The following SLC41A2 variants were observed in gnomAD, a reference collection of about 807,000 sequenced individuals.
SLC41A2 encodes the protein SLC41A1-like 1.
In SLC41A2, 32 loss-of-function variants were observed where a neutral mutation model predicts 58.3. The observed-to-expected ratio is 0.55, with a 90% confidence interval of 0.41 to 0.74. The LOEUF is 0.74. Among genes scored for constraint, SLC41A2 ranks in the 30% least tolerant of loss-of-function variants. The pLI is 0.00. For missense variants in SLC41A2, 514 were observed against 680.6 expected, an observed-to-expected ratio of 0.76 and a Z score of 2.72; for synonymous variants, 190 against 235.0, an observed-to-expected ratio of 0.81 and a Z score of 1.75.
chr12:104,923,960 G>A (rs1221322554), intron 2 of SLC41A2, among the ~76,000 whole-genome samples: 6 of 149,134 alleles, frequency 4.0e-5, no homozygotes, highest in African/African-American at 1.6e-4. Flanking sequence ...CACAAACTAT[G>A]AAAAAGCAGG....
intron 1 of SLC41A2, among the ~76,000 whole-genome samples, chr12:104,954,399 A>G (rs1416411892): frequency 6.6e-6 from 1 of 152,236 alleles, no homozygotes; most frequent in Non-Finnish European, 1.5e-5. Flanking sequence ...ACCATAAAGG[A>G]GACAGGTCAG....
intron 10 of SLC41A2, among the ~76,000 whole-genome samples, chr12:104,823,494 A>G (rs1423282160): frequency 6.6e-6 from 1 of 152,108 alleles, no homozygotes; most frequent in Non-Finnish European, 1.5e-5. Flanking sequence ...TAGTAAATTG[A>G]TTTTTGACAA....
intron 8 of SLC41A2, among the ~76,000 whole-genome samples, chr12:104,846,525 G>A (rs1175384156): frequency 6.6e-6 from 1 of 152,192 alleles, no homozygotes; most frequent in African/African-American, 2.4e-5. Flanking sequence ...GGAGAAAGAA[G>A]TTAAGCCATA....
chr12:104,909,557 G>A (rs2045989654), intron 3 of SLC41A2, 98 bp downstream of exon 3: 10 of 802,416 alleles, frequency 1.2e-5, no homozygotes, highest in Middle Eastern at 4.5e-4. Flanking sequence ...AAGTGCAGAA[G>A]CATATCAGAG....
At chr12:104,853,107 A>C (rs1479873930) in intron 8 of SLC41A2, among the ~76,000 whole-genome samples, 2 of 152,222 alleles carry the variant, frequency 1.3e-5, no homozygotes, top group Non-Finnish European at 2.9e-5. Context: ...CAGTTGATGA[A>C]ATAAAGTTTG....
chr12:104,809,464 T>C (rs1289985954), intron 10 of SLC41A2, among the ~76,000 whole-genome samples: 1 of 152,216 alleles, frequency 6.6e-6, no homozygotes, highest in East Asian at 1.9e-4. Context: ...CCTTTGGACA[T>C]CTGTCAGAGA....
chr12:104,844,380 G>T, intron 10 of SLC41A2, 92 bp downstream of exon 10: 1 of 848,446 alleles, frequency 1.2e-6, no homozygotes, highest in Non-Finnish European at 1.7e-6. Flanking sequence ...TTTTTGAAAT[G>T]GTAAAATGTG....
chr12:104,944,451 A>G (rs1466789106), intron 1 of SLC41A2, among the ~76,000 whole-genome samples: 3 of 152,212 alleles, frequency 2.0e-5, no homozygotes, highest in Non-Finnish European at 4.4e-5. Flanking sequence ...AACTAATCAC[A>G]AGAAACTAAA....
intron 10 of SLC41A2, among the ~76,000 whole-genome samples, chr12:104,811,667 C>A (rs2041179316): frequency 6.6e-6 from 1 of 152,060 alleles, no homozygotes; most frequent in African/African-American, 2.4e-5. Context: ...ATCTTATTTC[C>A]TATTACTTCC....
At chr12:104,844,989 A>G (rs1332779207) in intron 9 of SLC41A2, among the ~76,000 whole-genome samples, 1 of 152,124 alleles carries the variant, frequency 6.6e-6, no homozygotes, top group Non-Finnish European at 1.5e-5. Context: ...ATCTTCATTC[A>G]AAGGTCAATA....
At chr12:104,866,609 GACA>G (rs775386316) in intron 6 of SLC41A2, 30 bp from the exon 7 acceptor site, 3 of 1,417,624 alleles carry the variant, frequency 2.1e-6, no homozygotes, top group South Asian at 2.7e-5. Context: ...AAAAAAGAGA[GACA>G]ACATTTAAAT....
At chr12:104,951,747 T>A (rs2047966607) in intron 1 of SLC41A2, among the ~76,000 whole-genome samples, 1 of 151,680 alleles carries the variant, frequency 6.6e-6, no homozygotes, top group Non-Finnish European at 1.5e-5. Flanking sequence ...ATGATTGATA[T>A]ATTTTCATCC....
At chr12:104,945,247 TC>T (rs1177669346) in intron 1 of SLC41A2, among the ~76,000 whole-genome samples, 1 of 151,910 alleles carries the variant, frequency 6.6e-6, no homozygotes, top group Non-Finnish European at 1.5e-5. Flanking sequence ...ACACCTGTAA[TC>T]CCAGCACTTT....
intron 9 of SLC41A2, among the ~76,000 whole-genome samples, 169 bp downstream of exon 9, chr12:104,845,674 G>A (rs1444683144): frequency 6.6e-6 from 1 of 152,174 alleles, no homozygotes; most frequent in Non-Finnish European, 1.5e-5. Context: ...AAGATCCTCA[G>A]CAACTGCAGA....
intron 6 of SLC41A2, among the ~76,000 whole-genome samples, chr12:104,868,548 A>G (rs1388564921): frequency 6.6e-6 from 1 of 152,200 alleles, no homozygotes; most frequent in Non-Finnish European, 1.5e-5. Flanking sequence ...TTCCTTAAAA[A>G]GTTAAACAGA....
chr12:104,871,890 A>G (rs1038335287), intron 6 of SLC41A2, among the ~76,000 whole-genome samples: 1 of 152,250 alleles, frequency 6.6e-6, no homozygotes, highest in Non-Finnish European at 1.5e-5. Flanking sequence ...CATTTATAGA[A>G]AAAGCTATAA....
chr12:104,955,963 T>C (rs2048152653), intron 1 of SLC41A2, among the ~76,000 whole-genome samples: 1 of 152,244 alleles, frequency 6.6e-6, no homozygotes, highest in Non-Finnish European at 1.5e-5. Flanking sequence ...TTCTCCACTT[T>C]ACTGAGAAGT....
At chr12:104,834,720 G>A (rs933707418) in intron 10 of SLC41A2, among the ~76,000 whole-genome samples, 1 of 151,870 alleles carries the variant, frequency 6.6e-6, no homozygotes, top group Non-Finnish European at 1.5e-5. Context: ...TTTAATGAGG[G>A]CCTACTATGT....
intron 1 of SLC41A2, among the ~76,000 whole-genome samples, chr12:104,951,318 A>G (rs2047944860): frequency 6.6e-6 from 1 of 152,210 alleles, no homozygotes; most frequent in Non-Finnish European, 1.5e-5. Flanking sequence ...TGTGGAATAT[A>G]AAAAGATAAA....
Sources: gnomAD v4.1 joint callset for allele counts (sites outside exome capture counted in the v4.1 genomes callset) on GRCh38, gnomAD v4.1.1 for gene constraint, MANE v1.5 for transcripts, NCBI Gene and HGNC (gene_info 2026-07-23, HGNC 2026-07-21) for gene names.